PTP4A1: variants seen among roughly 807,000 people sequenced by gnomAD.
PTP4A1 encodes protein tyrosine phosphatase 4A1, also known as protein tyrosine phosphatase type IVA 1.
In PTP4A1, 9 loss-of-function variants were observed where a neutral mutation model predicts 20.5. The observed-to-expected ratio is 0.44, with a 90% CI of 0.26 to 0.77. PTP4A1 has a LOEUF of 0.77. Among genes scored for constraint, PTP4A1 ranks in the 30% least tolerant of loss-of-function variants. PTP4A1 has a pLI of 0.19. For synonymous variants in PTP4A1, 78 were observed against 67.4 expected (o/e 1.16, Z -0.77); for missense variants, 137 against 218.8 (o/e 0.63, Z 2.36).
At chr6:63,516,580 G>C in the PTP4A1 span, among the ~76,000 whole-genome samples, 206 of 152,206 alleles carry the variant, frequency 1.4e-3, 6 homozygotes, top group East Asian at 0.037. Context: ...TTGGGCATGA[G>C]GGCACTCAAA....
chr6:63,528,578 C>A (rs1197613465), intron 2 of PTP4A1, among the ~76,000 whole-genome samples: 1 of 151,678 alleles, frequency 6.6e-6, no homozygotes, highest in Non-Finnish European at 1.5e-5. Flanking sequence ...TATAACAAAA[C>A]AAATTAGCCA....
At chr6:63,564,751 A>T (rs1458357269) in intron 3 of PTP4A1, among the ~76,000 whole-genome samples, 1 of 152,172 alleles carries the variant, frequency 6.6e-6, no homozygotes, top group Non-Finnish European at 1.5e-5. Context: ...AAACAATCAC[A>T]TGGAGACTGT....
In PTP4A1 at chr6:63,576,887, C is replaced by G. The variant is rs1287161254; in HGVS notation, c.7C>G (p.Arg3Gly). 6.2e-7 allele frequency: 1 copy of G among 1,611,876 alleles called. No homozygotes were observed. Among genetic ancestry groups the G allele is most frequent in the Non-Finnish European group, 8.5e-7 (1 of 1,179,568 alleles). MA[R>G]MNRPAPVEVT... is the part of the protein sequence containing the mutation. ...GTTTTTTAACTAAATTAACATGGCT[C>G]GAATGAACCGCCCAGCTCCTGTGGA... is the stretch of plus-strand genomic sequence containing the variant. The change falls in exon 2 of 6, where the codon CGA (arginine) becomes GGA (glycine). Residue 3 changes from arginine (R) to glycine (G), a missense_variant. Arg to Gly is a moderately radical substitution (Grantham distance 125). Coordinates refer to ENST00000626021, the MANE Select transcript of PTP4A1 (RefSeq NM_003463.5).
rs1777527554 is a variant in PTP4A1, at chr6:63,572,643, G to A, written c.-522G>A. 4.8e-6 allele frequency: 2 copies of A among 415,972 alleles called. No individual in the cohort carries two copies. Among genetic ancestry groups the A allele is most frequent in the African/African-American group, 2.0e-5 (1 of 48,876 alleles). 25.8% of individuals were successfully genotyped at this position (415,972 alleles called of 1,614,324 possible). A position where few individuals can be genotyped will look rare whatever the true frequency, so the allele number is the denominator to read the frequency against. On this transcript the variant is annotated 5_prime_UTR_variant, in exon 1 of 6. Coordinates refer to ENST00000626021, the MANE Select transcript of PTP4A1 (RefSeq NM_003463.5). ...CGCCGCCTCCTGCCCTGCAGCCACCGCCACCGCCTGTGTCGCCGCCGCCTC... is the reference window on the plus strand; with the variant it reads ...CGCCGCCTCCTGCCCTGCAGCCACCACCACCGCCTGTGTCGCCGCCGCCTC...
At chr6:63,526,024 T>C (rs990841167) in intron 1 of PTP4A1, among the ~76,000 whole-genome samples, 1 of 152,132 alleles carries the variant, frequency 6.6e-6, no homozygotes, top group African/African-American at 2.4e-5. Flanking sequence ...CTATATTTTA[T>C]TGCCTTAAGA....
At position 63,578,912 on chromosome 6, in the gene PTP4A1, T is replaced by G. The variant is rs772168037; in HGVS notation, c.213T>G (p.Asp71Glu). ...TTCTGACTTAGGATTGGCCTTTTGA[T>G]GATGGTGCACCACCATCCAACCAGA... ...EGIHVLDWPF[D>E]DGAPPSNQIV... Residue 71 changes from aspartate to glutamate, a missense_variant, in exon 4 of 6, where the codon GAT becomes GAG. Physicochemically the swap from Asp to Glu is conservative, Grantham distance 45. Transcript: ENST00000626021. The G allele has an allele frequency of 1.3e-6, 2 of 1,567,404 alleles. No individual in the cohort carries two copies. Among genetic ancestry groups the G allele is most frequent in the Non-Finnish European group, 1.7e-6 (2 of 1,162,262 alleles).
At chr6:63,568,006 G>A (rs1777262213), upstream of PTP4A1, among the ~76,000 whole-genome samples, 1 of 152,192 alleles carries the variant, frequency 6.6e-6, no homozygotes, top group East Asian at 1.9e-4. Context: ...AAAATGAAGA[G>A]AGTTAAGGCC....
intron 2 of PTP4A1, among the ~76,000 whole-genome samples, chr6:63,535,491 A>G (rs1775678721): frequency 6.6e-6 from 1 of 152,114 alleles, no homozygotes; most frequent in Non-Finnish European, 1.5e-5. Flanking sequence ...AAGCAATAAT[A>G]TGCATTTCCC....
intron 2 of PTP4A1, chr6:63,549,049 G>T (rs563487629): frequency 2.8e-6 from 2 of 723,334 alleles, no homozygotes; most frequent in Admixed American, 1.9e-5. Context: ...ATCACCACCG[G>T]CTGAGCTTTC....
chr6:63,546,910 GTATA>G (rs772704324), intron 2 of PTP4A1, among the ~76,000 whole-genome samples: 1 of 152,018 alleles, frequency 6.6e-6, no homozygotes, highest in Non-Finnish European at 1.5e-5. Context: ...AATGTGTAGT[GTATA>G]TATATAAACA....
At chr6:63,544,008 T>C (rs1308334094) in intron 2 of PTP4A1, among the ~76,000 whole-genome samples, 1 of 152,208 alleles carries the variant, frequency 6.6e-6, no homozygotes, top group Non-Finnish European at 1.5e-5. Flanking sequence ...TTTCAACCAT[T>C]CATTTCCTTC....
chr6:63,524,280 C>T (rs1417846191), intron 1 of PTP4A1, among the ~76,000 whole-genome samples: 1 of 152,034 alleles, frequency 6.6e-6, no homozygotes, highest in Non-Finnish European at 1.5e-5. Flanking sequence ...CCCCCATGCC[C>T]AGCACTCAAT....
chr6:63,548,096 G>C (rs536489048), intron 2 of PTP4A1, among the ~76,000 whole-genome samples: 2 of 152,032 alleles, frequency 1.3e-5, no homozygotes, highest in African/African-American at 2.4e-5. Context: ...ACTCAGCTCC[G>C]AGGTCATAAC....
chr6:63,547,498 AT>A (rs752223359), intron 2 of PTP4A1, among the ~76,000 whole-genome samples: 2,629 of 90,798 alleles, frequency 0.029, 24 homozygotes, highest in Non-Finnish European at 0.037. Flanking sequence ...CCAGGGGGGA[AT>A]TTTTTTTTTT....
chr6:63,564,289 A>G (rs183020370), intron 3 of PTP4A1, among the ~76,000 whole-genome samples: 2,078 of 151,882 alleles, frequency 0.014, 16 homozygotes, highest in Non-Finnish European at 0.02. Flanking sequence ...AAAAAAAAAA[A>G]AGAGAGAAAT....
At chr6:63,564,557 A>T (rs1258014088) in intron 3 of PTP4A1, among the ~76,000 whole-genome samples, 1 of 152,032 alleles carries the variant, frequency 6.6e-6, no homozygotes, top group African/African-American at 2.4e-5. Context: ...GTCTGTCTGG[A>T]TTATCTGCAG....
At chr6:63,569,073 C>A (rs1777304136), upstream of PTP4A1, among the ~76,000 whole-genome samples, 1 of 152,144 alleles carries the variant, frequency 6.6e-6, no homozygotes, top group Non-Finnish European at 1.5e-5. Flanking sequence ...TAGCCCCAAC[C>A]AATCTGAGAA....
upstream of PTP4A1, among the ~76,000 whole-genome samples, chr6:63,570,042 T>A (rs1207186322): frequency 6.6e-6 from 1 of 152,348 alleles, no homozygotes; most frequent in South Asian, 2.1e-4. Flanking sequence ...GAACATTTAA[T>A]GGATTGGTCA....
intron 3 of PTP4A1, among the ~76,000 whole-genome samples, chr6:63,557,676 A>G (rs929693494): frequency 2.0e-5 from 3 of 152,198 alleles, no homozygotes; most frequent in African/African-American, 7.2e-5. Context: ...AAAATGTGGC[A>G]TCTATGTTAG....
Sources: gnomAD v4.1 joint callset for allele counts (sites outside exome capture counted in the v4.1 genomes callset) on GRCh38, gnomAD v4.1.1 for gene constraint, MANE v1.5 for transcripts, NCBI Gene and HGNC (gene_info 2026-07-23, HGNC 2026-07-21) for gene names.